PLEKHA5: variants seen among roughly 807,000 people sequenced by gnomAD.
The protein encoded by PLEKHA5 is pleckstrin homology domain containing A5.
A neutral mutation model predicts 181.9 loss-of-function variants in PLEKHA5; 55 were observed. The observed-to-expected ratio is 0.30, with a 90% CI of 0.24 to 0.38. The LOEUF (loss-of-function observed/expected upper bound fraction) is 0.38, where lower values mean the gene tolerates loss of function less well. PLEKHA5 is among the 10% of genes least tolerant of loss of function. The pLI, the probability that PLEKHA5 is intolerant of heterozygous loss-of-function variation, is 1.00. For synonymous variants in PLEKHA5, 535 were observed against 529.4 expected, an observed-to-expected ratio of 1.01 and a Z score of -0.15; for missense variants, 1,432 against 1,549.5, an observed-to-expected ratio of 0.92 and a Z score of 1.27.
chr12:19,247,927 A>T (rs559938935), intron 3 of PLEKHA5, among the ~76,000 whole-genome samples: 21 of 146,058 alleles, frequency 1.4e-4, no homozygotes, highest in South Asian at 8.7e-4. Flanking sequence ...AAATTTAATT[A>T]AAAAAAAAAG....
intron 3 of PLEKHA5, among the ~76,000 whole-genome samples, chr12:19,158,378 CTT>C (rs2042253365): frequency 6.6e-6 from 1 of 152,030 alleles, no homozygotes; most frequent in Admixed American, 6.5e-5. Context: ...AGTTTATAAA[CTT>C]AGATTTAAAC....
intron 3 of PLEKHA5, among the ~76,000 whole-genome samples, chr12:19,181,832 T>C (rs1246967767): frequency 2.6e-5 from 4 of 152,014 alleles, no homozygotes; most frequent in Non-Finnish European, 2.9e-5. Flanking sequence ...TAAGGTAAGG[T>C]AATGGGTAAT....
intron 12 of PLEKHA5, among the ~76,000 whole-genome samples, chr12:19,285,753 A>G (rs1398384930): frequency 6.6e-6 from 1 of 152,244 alleles, no homozygotes; most frequent in Non-Finnish European, 1.5e-5. Flanking sequence ...TTCATGAAAC[A>G]GTAGAAAATA....
At chr12:19,137,516 C>G (rs1591774597) in intron 3 of PLEKHA5, among the ~76,000 whole-genome samples, 2 of 152,152 alleles carry the variant, frequency 1.3e-5, no homozygotes, top group Admixed American at 1.3e-4. Context: ...AAAACAACTA[C>G]GAACTATGAT....
chr12:19,337,283 T>C (rs1321446065), intron 21 of PLEKHA5, among the ~76,000 whole-genome samples: 1 of 152,128 alleles, frequency 6.6e-6, no homozygotes, highest in Non-Finnish European at 1.5e-5. Context: ...CCGGGCATAG[T>C]GGCTCACGCC....
At chr12:19,237,519 A>G (rs962274957) in intron 3 of PLEKHA5, among the ~76,000 whole-genome samples, 2 of 151,934 alleles carry the variant, frequency 1.3e-5, no homozygotes, top group Admixed American at 1.3e-4. Flanking sequence ...TTTAAGGTAT[A>G]TCGATACTAG....
chr12:19,342,029 G>A (rs1325796649), intron 21 of PLEKHA5, among the ~76,000 whole-genome samples: 1 of 152,018 alleles, frequency 6.6e-6, no homozygotes, highest in Non-Finnish European at 1.5e-5. Context: ...CACTGTGCCT[G>A]GCTGAAAACA....
chr12:19,247,797 A>G (rs182970125), intron 3 of PLEKHA5, among the ~76,000 whole-genome samples: 127 of 151,818 alleles, frequency 8.4e-4, no homozygotes, highest in African/African-American at 3.0e-3. Flanking sequence ...CGTTCATTTT[A>G]TGCTGACCTT....
At chr12:19,247,906 A>C (rs570235514) in intron 3 of PLEKHA5, among the ~76,000 whole-genome samples, 318 of 151,468 alleles carry the variant, frequency 2.1e-3, no homozygotes, top group South Asian at 2.1e-3. Flanking sequence ...AAAAAAATTA[A>C]CTTTTAATTT....
intron 28 of PLEKHA5, among the ~76,000 whole-genome samples, chr12:19,360,643 A>T (rs181708732): frequency 9.8e-4 from 148 of 151,500 alleles, no homozygotes; most frequent in East Asian, 1.9e-3. Context: ...AAGAAAAATT[A>T]AAAAAAAATG....
intron 3 of PLEKHA5, among the ~76,000 whole-genome samples, chr12:19,252,428 T>C (rs1226907485): frequency 2.6e-5 from 4 of 152,158 alleles, no homozygotes; most frequent in Admixed American, 2.6e-4. Context: ...TTAATGAAAA[T>C]TATTATAGAC....
At chr12:19,355,300 G>T (rs867332905) in intron 26 of PLEKHA5, among the ~76,000 whole-genome samples, 44 of 150,054 alleles carry the variant, frequency 2.9e-4, no homozygotes, top group Middle Eastern at 3.5e-3. Flanking sequence ...ATAATTTTAG[G>T]CTATAAGACA....
chr12:19,234,296 G>T (rs1181034049), intron 3 of PLEKHA5, among the ~76,000 whole-genome samples: 1 of 152,122 alleles, frequency 6.6e-6, no homozygotes, highest in East Asian at 1.9e-4. Flanking sequence ...GTGTTATAAT[G>T]ATCTGTTTAC....
rs185525519 is a variant in PLEKHA5, at chr12:19,248,823, A to G, written c.228-5117A>G. Among the ~76,000 whole-genome samples the G allele has an allele frequency of 3.0e-4, 45 of 152,302 alleles. 1 individual carries two copies. Among genetic ancestry groups the G allele is most frequent in the Admixed American group, 2.0e-3 (31 of 15,302 alleles). ...CCATAGTTAAGTGACACATGACTGTATGGGTAGGCACGAAGTTAAACTTTT... is the reference window on the plus strand; with the variant it reads ...CCATAGTTAAGTGACACATGACTGTGTGGGTAGGCACGAAGTTAAACTTTT... On this transcript the variant is annotated intron_variant, in intron 3 of 31. Transcript: ENST00000429027.
At chr12:19,129,911 G>A (rs1367112983) in intron 1 of PLEKHA5, 23 bp downstream of exon 1, 1 of 1,579,612 alleles carries the variant, frequency 6.3e-7, no homozygotes, top group Non-Finnish European at 8.6e-7. Flanking sequence ...GGACGGCACG[G>A]GGGCCCGCGG....
intron 3 of PLEKHA5, among the ~76,000 whole-genome samples, chr12:19,134,248 T>G (rs1023209632): frequency 2.6e-5 from 4 of 152,188 alleles, no homozygotes; most frequent in African/African-American, 9.6e-5. Flanking sequence ...CAAATTAGAA[T>G]TTTATTTGAG....
chr12:19,193,305 A>T (rs2051695448), intron 3 of PLEKHA5, among the ~76,000 whole-genome samples: 1 of 152,222 alleles, frequency 6.6e-6, no homozygotes, highest in Admixed American at 6.5e-5. Context: ...GTTTATTAAG[A>T]TAATTTATGA....
At chr12:19,325,263 C>T (rs1183806452) in intron 20 of PLEKHA5, among the ~76,000 whole-genome samples, 12 of 152,094 alleles carry the variant, frequency 7.9e-5, no homozygotes, top group Admixed American at 7.9e-4. Context: ...TGGTGGTGTA[C>T]ACCTGTGATC....
intron 13 of PLEKHA5, chr12:19,288,145 T>C (rs1466495217): frequency 9.9e-6 from 3 of 304,526 alleles, no homozygotes; most frequent in Middle Eastern, 4.2e-4. Context: ...TTCATTCCCT[T>C]ATCCTTAAAA....
Sources: gnomAD v4.1 joint callset for allele counts (sites outside exome capture counted in the v4.1 genomes callset) on GRCh38, gnomAD v4.1.1 for gene constraint, MANE v1.5 for transcripts, NCBI Gene and HGNC (gene_info 2026-07-23, HGNC 2026-07-21) for gene names.